Variants in FAF2 observed in about 807,000 individuals in gnomAD.
FAF2 encodes the protein Fas associated factor family member 2.
Under a neutral mutation model 62.3 loss-of-function variants are expected in FAF2, and 9 were observed. That is an observed-to-expected ratio of 0.14 (90% confidence interval 0.09 to 0.25). The LOEUF (loss-of-function observed/expected upper bound fraction) is 0.25. Ranked by LOEUF, FAF2 falls within the 10% of genes least tolerant of loss-of-function variation. The pLI is 1.00. For synonymous variants in FAF2, 202 were observed against 198.0 expected, an observed-to-expected ratio of 1.02 and a Z score of -0.17; for missense variants, 368 against 556.2, an observed-to-expected ratio of 0.66 and a Z score of 3.40.
chr5:176,493,456 G>A (rs749232917), intron 5 of FAF2, among the ~76,000 whole-genome samples: 4 of 152,254 alleles, frequency 2.6e-5, no homozygotes, highest in Admixed American at 1.3e-4. Flanking sequence ...AGCACGCACA[G>A]GAGTCTTCGG....
At chr5:176,489,900 A>T (rs1758943616) in intron 4 of FAF2, among the ~76,000 whole-genome samples, 1 of 152,016 alleles carries the variant, frequency 6.6e-6, no homozygotes, top group South Asian at 2.1e-4. Context: ...AAACACTGGA[A>T]CCCTTTTATG....
At chr5:176,469,061 A>G (rs1758517218) in intron 1 of FAF2, among the ~76,000 whole-genome samples, 2 of 152,022 alleles carry the variant, frequency 1.3e-5, no homozygotes, top group Non-Finnish European at 1.5e-5. Flanking sequence ...CCTGGCCAAC[A>G]TGGTGAAACC....
chr5:176,493,467 C>T (rs1009444243), intron 5 of FAF2, among the ~76,000 whole-genome samples: 1 of 152,356 alleles, frequency 6.6e-6, no homozygotes, highest in Admixed American at 6.5e-5. Flanking sequence ...GAGTCTTCGG[C>T]GCTAGCCTTG....
At position 176,509,301 on chromosome 5, in the gene FAF2, G is replaced by C. The variant is rs1186601802; in HGVS notation, c.*2351G>C. 6.6e-6 allele frequency: 1 copy of C among 152,162 alleles called. No individual in the cohort carries two copies. The highest frequency in any genetic ancestry group is 1.5e-5 in the Non-Finnish European group (1 of 68,044). 9.4% of individuals were successfully genotyped at this position (152,162 alleles called of 1,614,324 possible). On this transcript the variant is annotated 3_prime_UTR_variant, in exon 11 of 11. Coordinates refer to ENST00000261942, the MANE Select transcript of FAF2 (RefSeq NM_014613.3). ...CTGCACATTTTGTCACTTAATGCCAGTACAATCTGTGTTACTCCTAAGGAC... is the reference window on the plus strand; with the variant it reads ...CTGCACATTTTGTCACTTAATGCCACTACAATCTGTGTTACTCCTAAGGAC...
chr5:176,464,711 C>G (rs1206271334), intron 1 of FAF2, among the ~76,000 whole-genome samples: 2 of 151,122 alleles, frequency 1.3e-5, no homozygotes, highest in African/African-American at 4.9e-5. Flanking sequence ...GGCTGCCAAA[C>G]TGATTCTAAG....
intron 2 of FAF2, among the ~76,000 whole-genome samples, chr5:176,482,120 ATTC>A (rs1758790813): frequency 2.0e-5 from 3 of 151,696 alleles, no homozygotes; most frequent in Admixed American, 2.0e-4. Context: ...ATTTTTTCAT[ATTC>A]TTATTGAACA....
intron 10 of FAF2, among the ~76,000 whole-genome samples, chr5:176,505,144 G>T (rs995755304): frequency 2.0e-4 from 31 of 152,120 alleles, no homozygotes; most frequent in African/African-American, 7.2e-4. Flanking sequence ...AAAAGAAAAT[G>T]GAATAGATTC....
intron 10 of FAF2, among the ~76,000 whole-genome samples, chr5:176,505,904 CACGCCTGTAATCTCAGCACTTT>C (rs1361524796): frequency 6.6e-5 from 10 of 152,052 alleles, no homozygotes; most frequent in Admixed American, 1.3e-4. Context: ...CACGGTGGCT[CACGCCTGTAATCTCAGCACTTT>C]ACGCCTGTAA....
At chr5:176,477,774 C>G (rs1424574648) in intron 1 of FAF2, among the ~76,000 whole-genome samples, 1 of 152,110 alleles carries the variant, frequency 6.6e-6, no homozygotes, top group Non-Finnish European at 1.5e-5. Flanking sequence ...TCACATTGCA[C>G]ATAAAGGAAA....
chr5:176,490,040 T>G (rs921609663), intron 4 of FAF2, among the ~76,000 whole-genome samples: 1 of 152,150 alleles, frequency 6.6e-6, no homozygotes, highest in Non-Finnish European at 1.5e-5. Context: ...GGCCGGGCTC[T>G]GTGGCTCACG....
chr5:176,507,039 G>A lies in FAF2; in HGVS notation c.*89G>A. 1.2e-6 allele frequency: 1 copy of A among 867,398 alleles called. No homozygotes were observed. The highest frequency in any genetic ancestry group is 1.6e-6 in the Non-Finnish European group (1 of 626,516). 53.7% of individuals were successfully genotyped at this position (867,398 alleles called of 1,614,324 possible). On this transcript the variant is annotated 3_prime_UTR_variant, in exon 11 of 11. Coordinates refer to ENST00000261942, the MANE Select transcript of FAF2 (RefSeq NM_014613.3). ...ACAGCAAGTCAGAAAAAAAAAACAA[G>A]AGAGAGAAATTCATATTATTATTAT...
At chr5:176,454,577 G>GGAA (rs1460007409) in intron 1 of FAF2, among the ~76,000 whole-genome samples, 1 of 95,326 alleles carries the variant, frequency 1.0e-5, no homozygotes, top group African/African-American at 4.3e-5. Flanking sequence ...GATTCTGTCT[G>GGAA]AAAAAAAAAA....
intron 7 of FAF2, among the ~76,000 whole-genome samples, chr5:176,495,791 G>A (rs949013081): frequency 1.3e-5 from 2 of 149,326 alleles, no homozygotes; most frequent in African/African-American, 4.9e-5. Flanking sequence ...AGGATTAAAG[G>A]TGGAGCTACC....
In FAF2 at chr5:176,507,374, A is replaced by G; in HGVS notation, c.*424A>G. ...CAGCTACTTGCAGCATCTCCTGAGG[A>G]CTTGCTTCTCCTGCCTCTGGGGAAG... On this transcript the variant is annotated 3_prime_UTR_variant, in exon 11 of 11. Transcript: ENST00000261942. The G allele has an allele frequency of 2.2e-6, 1 of 449,020 alleles. No individual in the cohort carries two copies. The highest frequency in any genetic ancestry group is 1.6e-5 in the South Asian group (1 of 62,916). 27.8% of individuals were successfully genotyped at this position (449,020 alleles called of 1,614,324 possible).
At chr5:176,486,582 A>G (rs1309573839) in intron 3 of FAF2, 93 bp downstream of exon 3, 14 of 1,302,070 alleles carry the variant, frequency 1.1e-5, no homozygotes, top group Non-Finnish European at 1.4e-5. Flanking sequence ...AGCAAAACAA[A>G]TATTTAGAAT....
chr5:176,491,527 C>T (rs879653349), intron 4 of FAF2, among the ~76,000 whole-genome samples: 1 of 152,050 alleles, frequency 6.6e-6, no homozygotes, highest in Non-Finnish European at 1.5e-5. Context: ...AGTTCCTATC[C>T]GTAAGTTGAA....
At chr5:176,487,288 A>G (rs1013351317) in intron 3 of FAF2, among the ~76,000 whole-genome samples, 2 of 152,112 alleles carry the variant, frequency 1.3e-5, no homozygotes, top group African/African-American at 4.8e-5. Context: ...GGGCTCAAGC[A>G]GTCCTCCACC....
chr5:176,464,216 G>A (rs1025435866), intron 1 of FAF2, among the ~76,000 whole-genome samples: 1 of 151,994 alleles, frequency 6.6e-6, no homozygotes, highest in Admixed American at 6.6e-5. Flanking sequence ...CCAAAGTGTT[G>A]GGATTACAGG....
chr5:176,500,921 G>GT (rs1429391136), intron 10 of FAF2, among the ~76,000 whole-genome samples: 2 of 152,194 alleles, frequency 1.3e-5, no homozygotes, highest in Non-Finnish European at 2.9e-5. Context: ...GAGGTCAGGA[G>GT]TTTGAGACCA....
Sources: allele counts gnomAD v4.1 joint callset (sites outside exome capture counted in the v4.1 genomes callset), GRCh38; gene constraint gnomAD v4.1.1; transcripts MANE v1.5; gene names NCBI Gene and HGNC (gene_info 2026-07-23, HGNC 2026-07-21).